PSPC1: variants seen among roughly 807,000 people sequenced by gnomAD.
PSPC1 encodes the protein paraspeckle protein 1.
A neutral mutation model predicts 51.6 loss-of-function variants in PSPC1; 14 were observed. The observed-to-expected ratio is 0.27, with a 90% CI of 0.18 to 0.42. The LOEUF (loss-of-function observed/expected upper bound fraction) is 0.42, where lower values mean the gene tolerates loss of function less well. Among genes scored for constraint, PSPC1 ranks in the 10% least tolerant of loss-of-function variants. The probability of loss-of-function intolerance (pLI) is 1.00; values close to 1 mark genes in which losing one functional copy is unlikely to be tolerated. For synonymous variants in PSPC1, 193 were observed against 231.9 expected (o/e 0.83, Z 1.53); for missense variants, 406 against 701.1 (o/e 0.58, Z 4.75).
chr13:19,730,432 G>A, intron 5 of PSPC1, 88 bp from the exon 6 acceptor site: 1 of 1,218,384 alleles, frequency 8.2e-7, no homozygotes, highest in Non-Finnish European at 1.2e-6. Context: ...AATCATTTAT[G>A]CAATCATATT....
At chr13:19,734,580 T>A (rs1007340445) in intron 5 of PSPC1, among the ~76,000 whole-genome samples, 2 of 152,146 alleles carry the variant, frequency 1.3e-5, no homozygotes, top group African/African-American at 4.8e-5. Flanking sequence ...GGCCGGCAGA[T>A]CACCTGAGGT....
At chr13:19,705,564 A>G in intron 8 of PSPC1, 98 bp downstream of exon 8, 1 of 823,710 alleles carries the variant, frequency 1.2e-6, no homozygotes, top group Non-Finnish European at 1.7e-6. Flanking sequence ...ATTGGCTGCC[A>G]AAACAAATGA....
intron 2 of PSPC1, among the ~76,000 whole-genome samples, chr13:19,762,501 A>G (rs1270549977): frequency 2.6e-5 from 4 of 152,186 alleles, no homozygotes; most frequent in African/African-American, 7.2e-5. Flanking sequence ...CAGAGGTTGC[A>G]GTGAGCCGAG....
chr13:19,752,837 C>T (rs919862075), intron 3 of PSPC1, among the ~76,000 whole-genome samples: 11 of 151,774 alleles, frequency 7.2e-5, no homozygotes, highest in African/African-American at 1.4e-4. Flanking sequence ...CCACCCATCT[C>T]GGTCTCCCAA....
At chr13:19,678,553 G>C (rs1405936172) in intron 6 of PSPC1, 1 of 152,114 alleles carries the variant, frequency 6.6e-6, no homozygotes, top group African/African-American at 2.4e-5. Flanking sequence ...CATTACCCTA[G>C]ATCAGTGTTG....
Position 19,742,389 on chromosome 13 carries a change from G to A in PSPC1, c.968-740C>T, listed in dbSNP as rs556809184. Reference sequence around the variant, plus strand: ...GAGGCCGAGGCAGGCGGATCACTTCGGCCGAGGAGTTCGAGACCAGCCTGA... The same window carrying A: ...GAGGCCGAGGCAGGCGGATCACTTCAGCCGAGGAGTTCGAGACCAGCCTGA... On this transcript the variant is annotated intron_variant, in intron 4 of 8. Transcript: ENST00000338910. Among the ~76,000 whole-genome samples, 19 of 151,408 alleles carry A rather than the reference G, an allele frequency of 1.3e-4. No homozygotes were observed. In the South Asian group the frequency reaches 1.7e-3, roughly 13 times the overall value.
intron 3 of PSPC1, among the ~76,000 whole-genome samples, chr13:19,756,206 C>A (rs1242337874): frequency 6.6e-6 from 1 of 152,072 alleles, no homozygotes; most frequent in Non-Finnish European, 1.5e-5. Context: ...CCACTGCACT[C>A]CAGCCTGGAT....
intron 6 of PSPC1, among the ~76,000 whole-genome samples, chr13:19,729,755 T>C (rs186450168): frequency 3.6e-4 from 55 of 152,236 alleles, no homozygotes; most frequent in African/African-American, 1.3e-3. Context: ...CTTTTAGAGA[T>C]ACATACTGAA....
At chr13:19,711,643 A>AAAAG (rs1449316250) in intron 6 of PSPC1, among the ~76,000 whole-genome samples, 3 of 147,156 alleles carry the variant, frequency 2.0e-5, no homozygotes, top group Middle Eastern at 3.6e-3. Context: ...GTCTCATAAA[A>AAAAG]AAAAAAAAAA....
chr13:19,777,495 C>T (rs1889289091), intron 1 of PSPC1, among the ~76,000 whole-genome samples: 1 of 150,702 alleles, frequency 6.6e-6, no homozygotes, highest in Non-Finnish European at 1.5e-5. Flanking sequence ...CGAGCTGTCT[C>T]TGATGTCCAA....
intron 5 of PSPC1, among the ~76,000 whole-genome samples, chr13:19,737,736 G>C (rs1884998518): frequency 1.3e-5 from 2 of 152,282 alleles, no homozygotes; most frequent in East Asian, 1.9e-4. Flanking sequence ...CGAGGCACCA[G>C]TTATGTTCAT....
chr13:19,705,133 T>C (rs1880479802), intron 8 of PSPC1, among the ~76,000 whole-genome samples: 1 of 152,216 alleles, frequency 6.6e-6, no homozygotes, highest in African/African-American at 2.4e-5. Context: ...GTAATTAACA[T>C]ATGCATTTGC....
At chr13:19,770,621 C>T (rs1027954504) in intron 2 of PSPC1, among the ~76,000 whole-genome samples, 2 of 152,076 alleles carry the variant, frequency 1.3e-5, no homozygotes, top group Non-Finnish European at 2.9e-5. Context: ...AACCCCATCT[C>T]TACTAAAAAT....
intron 4 of PSPC1, among the ~76,000 whole-genome samples, chr13:19,742,340 G>A (rs1008469440): frequency 6.0e-5 from 9 of 150,998 alleles, no homozygotes; most frequent in Non-Finnish European, 1.3e-4. Context: ...AGGCTGGCTT[G>A]TGCCTGTAAT....
At chr13:19,749,391 G>C (rs367915783) in intron 4 of PSPC1, among the ~76,000 whole-genome samples, 6 of 151,772 alleles carry the variant, frequency 4.0e-5, no homozygotes, top group African/African-American at 1.2e-4. Context: ...GTGGTAGCAC[G>C]CACCTGTAGT....
At chr13:19,683,753 T>C (rs1877539986) in intron 6 of PSPC1, among the ~76,000 whole-genome samples, 1 of 152,132 alleles carries the variant, frequency 6.6e-6, no homozygotes, top group East Asian at 1.9e-4. Flanking sequence ...AAAATAACAC[T>C]GAAGTTTAGA....
At chr13:19,730,670 A>C (rs1883938481) in intron 5 of PSPC1, among the ~76,000 whole-genome samples, 1 of 152,038 alleles carries the variant, frequency 6.6e-6, no homozygotes, top group South Asian at 2.1e-4. Context: ...GAAAGGAAAA[A>C]ATCTCAGCCA....
intron 7 of PSPC1, among the ~76,000 whole-genome samples, chr13:19,677,059 C>T (rs1457127234): frequency 6.6e-6 from 1 of 151,930 alleles, no homozygotes; most frequent in African/African-American, 2.4e-5. Context: ...ACAGTGAAAC[C>T]CCGTCTCTAC....
chr13:19,750,445 A>G (rs1171390492), intron 4 of PSPC1, among the ~76,000 whole-genome samples: 1 of 90,818 alleles, frequency 1.1e-5, no homozygotes, highest in African/African-American at 3.0e-5. Context: ...AAAAACAAAA[A>G]ACAAACAAAC....
Sources: allele counts gnomAD v4.1 joint callset (sites outside exome capture counted in the v4.1 genomes callset), GRCh38; gene constraint gnomAD v4.1.1; transcripts MANE v1.5; gene names NCBI Gene and HGNC (gene_info 2026-07-23, HGNC 2026-07-21).